Variants in SAXO1 observed in about 807,000 individuals in gnomAD.
The protein encoded by SAXO1 is 4930500O09Rik.
A neutral mutation model predicts 17.5 loss-of-function variants in SAXO1; 21 were observed. The observed-to-expected ratio is 1.20, with a 90% confidence interval of 0.85 to 1.72. The LOEUF (loss-of-function observed/expected upper bound fraction) is 1.72, where lower values mean the gene tolerates loss of function less well. Ranked by LOEUF, SAXO1 falls within the 40% of genes most tolerant of loss-of-function variation. The pLI is 0.00. For synonymous variants in SAXO1, 274 were observed against 216.5 expected (o/e 1.27, Z -2.33); for missense variants, 843 against 596.0 (o/e 1.41, Z -4.32).
intron 1 of SAXO1, among the ~76,000 whole-genome samples, chr9:18,996,337 G>C (rs988560277): frequency 3.3e-5 from 5 of 152,138 alleles, no homozygotes; most frequent in Non-Finnish European, 4.4e-5. Flanking sequence ...AGGCAATTTC[G>C]TCATTGTGCA....
chr9:19,043,135 A>G (rs199656354), intron 1 of SAXO1, among the ~76,000 whole-genome samples: 1 of 151,974 alleles, frequency 6.6e-6, no homozygotes, highest in Non-Finnish European at 1.5e-5. Context: ...CTGCACCACT[A>G]CACTCCAGCC....
intron 1 of SAXO1, among the ~76,000 whole-genome samples, chr9:18,991,992 T>C (rs1220411984): frequency 6.6e-6 from 1 of 152,204 alleles, no homozygotes; most frequent in East Asian, 1.9e-4. Context: ...ATGATAACAT[T>C]GAATGAATGC....
rs67090530 is a variant in SAXO1, at chr9:18,938,821, C to CGTGTGTGTGT, written c.421+2806_421+2815dup. Among the ~76,000 whole-genome samples the CGTGTGTGTGT allele has an allele frequency of 4.8e-3, 381 of 78,580 alleles. 2 individuals carry two copies. Among genetic ancestry groups the CGTGTGTGTGT allele is most frequent in the African/African-American group, 0.017 (358 of 21,488 alleles). The allele number at this position is 78,580 out of a possible 152,430, so 51.6% of individuals were successfully genotyped here. ...GTGTGGTGGGGTGCATGCGTGCGTG[C>CGTGTGTGTGT]GTGTGTGTGTGTGTGTGTGTGTGTG... On this transcript the variant is annotated intron_variant, in intron 3 of 3. Transcript: ENST00000380534.
intron 1 of SAXO1, among the ~76,000 whole-genome samples, chr9:18,995,888 T>C (rs891477567): frequency 3.9e-5 from 6 of 152,120 alleles, no homozygotes; most frequent in African/African-American, 1.4e-4. Flanking sequence ...GAGACCAGCC[T>C]GGCCAACGTG....
chr9:19,012,911 A>T (rs1834811906), intron 1 of SAXO1, among the ~76,000 whole-genome samples: 1 of 152,202 alleles, frequency 6.6e-6, no homozygotes, highest in Non-Finnish European at 1.5e-5. Context: ...AGAAATCAAG[A>T]TTCTGCACCA....
chr9:19,001,963 T>G (rs1834290731), intron 1 of SAXO1, among the ~76,000 whole-genome samples: 1 of 152,096 alleles, frequency 6.6e-6, no homozygotes, highest in African/African-American at 2.4e-5. Context: ...AGGAGCTGGT[T>G]TTTTGGAAAG....
At chr9:19,034,710 AGGATGGAAACATGGC>A (rs1835891148), upstream of SAXO1, among the ~76,000 whole-genome samples, 1 of 152,172 alleles carries the variant, frequency 6.6e-6, no homozygotes, top group Non-Finnish European at 1.5e-5. Flanking sequence ...TCTACAGGGG[AGGATGGAAACATGGC>A]CAGACAAAAA....
chr9:19,045,820 A>G (rs1005293905), intron 1 of SAXO1, among the ~76,000 whole-genome samples: 10 of 152,348 alleles, frequency 6.6e-5, no homozygotes, highest in Admixed American at 2.0e-4. Flanking sequence ...AGTTTCTAAC[A>G]TGAATATGCT....
intron 3 of SAXO1, among the ~76,000 whole-genome samples, chr9:18,934,214 T>C (rs1831189100): frequency 6.6e-6 from 1 of 152,218 alleles, no homozygotes; most frequent in Non-Finnish European, 1.5e-5. Flanking sequence ...CTCTTGAATG[T>C]ATTAATAAAC....
At chr9:19,017,756 C>A (rs758994416) in intron 1 of SAXO1, among the ~76,000 whole-genome samples, 3 of 152,224 alleles carry the variant, frequency 2.0e-5, no homozygotes, top group African/African-American at 7.2e-5. Context: ...CCATGCCTAT[C>A]TCCTACACCT....
chr9:19,041,002 T>A (rs1254368012), intron 1 of SAXO1, among the ~76,000 whole-genome samples: 1 of 150,866 alleles, frequency 6.6e-6, no homozygotes, highest in Non-Finnish European at 1.5e-5. Context: ...AAAAGTCAAA[T>A]TATCGTTGTT....
chr9:18,989,932 T>A (rs1278282489), intron 1 of SAXO1, among the ~76,000 whole-genome samples: 4 of 152,184 alleles, frequency 2.6e-5, no homozygotes, highest in Non-Finnish European at 4.4e-5. Context: ...AGGAATTAAT[T>A]TTTTTTGAAT....
intron 1 of SAXO1, among the ~76,000 whole-genome samples, chr9:18,980,547 A>AGGGG (rs1563959546): frequency 8.2e-5 from 6 of 73,446 alleles, no homozygotes; most frequent in African/African-American, 1.9e-4. Flanking sequence ...GGAGGGAGGG[A>AGGGG]GGGAAGAGGA....
intron 1 of SAXO1, among the ~76,000 whole-genome samples, chr9:19,001,927 A>T (rs1215671849): frequency 6.6e-6 from 1 of 152,106 alleles, no homozygotes; most frequent in Non-Finnish European, 1.5e-5. Context: ...AGACACAAAA[A>T]ACCCTTCAAA....
At chr9:19,029,649 C>G (rs1278053523) in intron 1 of SAXO1, among the ~76,000 whole-genome samples, 2 of 152,184 alleles carry the variant, frequency 1.3e-5, no homozygotes, top group Non-Finnish European at 2.9e-5. Flanking sequence ...TGTTGTCCAA[C>G]AGAACTTTCC....
At chr9:19,000,357 C>G (rs1199897491) in intron 1 of SAXO1, among the ~76,000 whole-genome samples, 1 of 150,526 alleles carries the variant, frequency 6.6e-6, no homozygotes, top group Non-Finnish European at 1.5e-5. Flanking sequence ...GTGAGGAGCC[C>G]CTCTGCCCGG....
At chr9:18,942,364 C>G (rs1366392436) in intron 2 of SAXO1, among the ~76,000 whole-genome samples, 1 of 152,148 alleles carries the variant, frequency 6.6e-6, no homozygotes, top group African/African-American at 2.4e-5. Context: ...ATCCCCACCC[C>G]ACCTGAAAAC....
chr9:18,928,771 T>A lies in SAXO1; in HGVS notation c.706A>T (p.Ser236Cys). 1 of 1,614,066 alleles carries A rather than the reference T, an allele frequency of 6.2e-7. No individual in the cohort carries two copies. ...KFRPCEIPFE[S>C]LTTQKQSYRG... is the part of the protein sequence containing the mutation. ...TAGGATTGTTTTTGAGTGGTAAGGC[T>A]TTCAAAGGGGATTTCACAGGGCCTG... The change falls in exon 4 of 4, where the codon AGC becomes TGC. Residue 236 changes from serine to cysteine, a missense_variant. Coordinates refer to ENST00000380534, the MANE Select transcript of SAXO1 (RefSeq NM_153707.4).
At chr9:19,024,402 T>C (rs988876529) in intron 1 of SAXO1, among the ~76,000 whole-genome samples, 3 of 144,452 alleles carry the variant, frequency 2.1e-5, no homozygotes, top group Non-Finnish European at 4.5e-5. Flanking sequence ...TGAGAACACA[T>C]GGACACAGGA....
Sources: allele counts gnomAD v4.1 joint callset (sites outside exome capture counted in the v4.1 genomes callset), GRCh38; gene constraint gnomAD v4.1.1; transcripts MANE v1.5; gene names NCBI Gene and HGNC (gene_info 2026-07-23, HGNC 2026-07-21).